Variants in SPAG11B observed in about 807,000 individuals in gnomAD.
SPAG11B encodes the protein sperm-associated antigen 11B.
In SPAG11B, 5 loss-of-function variants were observed where a neutral mutation model predicts 8.9. The observed-to-expected ratio is 0.56, with a 90% CI of 0.29 to 1.19. The LOEUF (loss-of-function observed/expected upper bound fraction) is 1.19, where lower values mean the gene tolerates loss of function less well. SPAG11B is among the 50% of genes most tolerant of loss of function. The pLI is 0.08. For missense variants in SPAG11B, 38 were observed against 146.4 expected (o/e 0.26, Z 3.82); for synonymous variants, 12 against 53.0 (o/e 0.23, Z 3.36).
chr8:7,448,475 T>TAGGACTG (rs1809940166), downstream of SPAG11B, among the ~76,000 whole-genome samples: 1 of 151,998 alleles, frequency 6.6e-6, no homozygotes, highest in Admixed American at 6.5e-5. Flanking sequence ...CAGGACATTT[T>TAGGACTG]AGGACTGAGT....
downstream of SPAG11B, among the ~76,000 whole-genome samples, chr8:7,450,306 G>C (rs1810036206): frequency 6.8e-6 from 1 of 146,698 alleles, no homozygotes; most frequent in South Asian, 2.1e-4. Context: ...GGCATAAAGG[G>C]AAAAGGGATA....
rs184701157 is a variant in SPAG11B at position 7,453,595 on chromosome 8, A to C, written c.215-2695T>G. 1.9e-3 allele frequency among the ~76,000 whole-genome samples: 278 copies of C among 150,142 alleles called. 4 individuals carry two copies. The highest frequency in any genetic ancestry group is 3.5e-3 in the Middle Eastern group (1 of 284). On this transcript the variant is annotated intron_variant, in intron 2 of 2. Coordinates refer to ENST00000398462, the MANE Select transcript of SPAG11B (RefSeq NM_058201.4). ...AGATTAGACACATCATATTTTCTTC[A>C]AGCTGTCTTCTGCGTTATTTAACCA...
downstream of SPAG11B, among the ~76,000 whole-genome samples, chr8:7,448,913 C>A (rs1443727494): frequency 1.4e-5 from 2 of 144,226 alleles, no homozygotes; most frequent in African/African-American, 5.3e-5. Flanking sequence ...GGTGGACAAA[C>A]ACTTCCTTTG....
chr8:7,450,261 C>T (rs1240178025), downstream of SPAG11B, among the ~76,000 whole-genome samples: 1 of 144,460 alleles, frequency 6.9e-6, no homozygotes, highest in East Asian at 2.0e-4. Flanking sequence ...CACTATCCTA[C>T]TGAAATGTGA....
In SPAG11B at chr8:7,451,889, A is replaced by G. The variant is rs1274721869; in HGVS notation, c.215-989T>C. ...ATTCATTGCACCATGGTAAATTAAC[A>G]CTTTCTCTGGACTTTGGTTTTCTTT... On this transcript the variant is annotated intron_variant, in intron 2 of 2. Coordinates refer to ENST00000398462, the MANE Select transcript of SPAG11B (RefSeq NM_058201.4). Among the ~76,000 whole-genome samples, 12 of 148,234 alleles carry G rather than the reference A, an allele frequency of 8.1e-5. No individual in the cohort carries two copies. The East Asian group carries it at 2.4e-3, about 30-fold the overall frequency.
downstream of SPAG11B, among the ~76,000 whole-genome samples, chr8:7,448,903 G>A (rs2740040): frequency 0.016 from 1,971 of 122,898 alleles, 22 homozygotes; most frequent in African/African-American, 0.02. Context: ...ATGCCTTACA[G>A]GTGGACAAAC....
chr8:7,447,807 G>C, downstream of SPAG11B: 1 of 374,114 alleles, frequency 2.7e-6, no homozygotes, highest in South Asian at 3.2e-5. Flanking sequence ...ATCATACTCC[G>C]GTCTCTCACA....
chr8:7,452,880 C>T (rs2128873154), intron 2 of SPAG11B, among the ~76,000 whole-genome samples: 1 of 135,340 alleles, frequency 7.4e-6, no homozygotes, highest in South Asian at 2.4e-4. Flanking sequence ...AATGTATTTC[C>T]ACACCACAAC....
At position 7,453,902 on chromosome 8, in the gene SPAG11B, C is replaced by T. The variant is rs189063448; in HGVS notation, c.215-3002G>A. 1.2e-3 allele frequency among the ~76,000 whole-genome samples: 182 copies of T among 149,088 alleles called. 1 individual carries two copies. The East Asian group carries it at 0.019, about 16-fold the overall frequency. ...TTGGGCACTCCAAGCTGCTTTTGACCCTCCACCAAAAAAAAAGAGAGAAAA... is the reference window on the plus strand; with the variant it reads ...TTGGGCACTCCAAGCTGCTTTTGACTCTCCACCAAAAAAAAAGAGAGAAAA... On this transcript the variant is annotated intron_variant, in intron 2 of 2. Transcript: ENST00000398462.
downstream of SPAG11B, among the ~76,000 whole-genome samples, chr8:7,448,890 A>G (rs1324742118): frequency 6.9e-6 from 1 of 144,332 alleles, no homozygotes; most frequent in Non-Finnish European, 1.5e-5. Flanking sequence ...CTAGTTTTTT[A>G]CCATGCCTTA....
chr8:7,454,089 A>C lies in SPAG11B; in HGVS notation c.215-3189T>G, dbSNP rs1433724468. ...GACATCTCTGAAATCTCTCAAAAAA[A>C]AAAAAAAAAAGAAAGAAAGAAAGAA... On this transcript the variant is annotated intron_variant, in intron 2 of 2. Coordinates refer to ENST00000398462, the MANE Select transcript of SPAG11B (RefSeq NM_058201.4). 2.3e-5 allele frequency among the ~76,000 whole-genome samples: 3 copies of C among 128,624 alleles called. No homozygotes were observed. In the East Asian group the frequency reaches 7.1e-4, roughly 31 times the overall value. 84.4% of individuals were successfully genotyped at this position (128,624 alleles called of 152,430 possible).
At chr8:7,448,557 CAAGA>C (rs1809944616), downstream of SPAG11B, among the ~76,000 whole-genome samples, 1 of 150,204 alleles carries the variant, frequency 6.7e-6, no homozygotes, top group Non-Finnish European at 1.5e-5. Flanking sequence ...AGGGGCGGAA[CAAGA>C]AAGTAAGCCC....
At position 7,450,832 on chromosome 8, in the gene SPAG11B, A is replaced by G; in HGVS notation, c.283T>C (p.Cys95Arg). Residue 95 changes from cysteine (C) to arginine (R), a missense_variant, in exon 3 of 3, where the codon TGC becomes CGC. Physicochemically the swap from Cys to Arg is radical, Grantham distance 180. Coordinates refer to ENST00000398462, the MANE Select transcript of SPAG11B (RefSeq NM_058201.4). ...TCACGCTTTTTCTCACCAGAATGGC[A>G]GAAAAAAAGTCTGCAGATCCCTTGC... ...MQQGICRLFFCHSGEKKRDIC... is the reference protein window; with the variant it reads ...MQQGICRLFFRHSGEKKRDIC... The G allele has an allele frequency of 6.2e-7, 1 of 1,605,774 alleles. No homozygotes were observed. The highest frequency in any genetic ancestry group is 8.5e-7 in the Non-Finnish European group (1 of 1,176,820).
intron 2 of SPAG11B, among the ~76,000 whole-genome samples, chr8:7,452,918 C>T: frequency 7.0e-6 from 1 of 142,866 alleles, no homozygotes; most frequent in South Asian, 2.2e-4. Context: ...AAGATGTGTA[C>T]AACAACGTGG....
chr8:7,448,786 C>CCCCTT (rs773065371), downstream of SPAG11B, among the ~76,000 whole-genome samples: 20 of 127,164 alleles, frequency 1.6e-4, no homozygotes, highest in South Asian at 1.3e-3. Context: ...CCCCTCTCCT[C>CCCCTT]CCCTTCCCTT....
At chr8:7,450,933 A>T in intron 2 of SPAG11B, 33 bp from the exon 3 acceptor site, 1 of 1,549,680 alleles carries the variant, frequency 6.5e-7, no homozygotes. Flanking sequence ...TTGACATTTA[A>T]CTCATATAGT....
chr8:7,448,445 AT>A (rs1411108005), downstream of SPAG11B, among the ~76,000 whole-genome samples: 1 of 152,104 alleles, frequency 6.6e-6, no homozygotes, highest in Non-Finnish European at 1.5e-5. Flanking sequence ...CGTTTTGGGG[AT>A]TCTGTCTTAG....
chr8:7,451,661 G>C (rs1224368787), intron 2 of SPAG11B, among the ~76,000 whole-genome samples: 2 of 129,608 alleles, frequency 1.5e-5, no homozygotes, highest in Admixed American at 8.3e-5. Context: ...AAGGTGGGGG[G>C]TCCACCTTTA....
chr8:7,451,938 G>A (rs1460935764), intron 2 of SPAG11B, among the ~76,000 whole-genome samples: 1 of 130,720 alleles, frequency 7.6e-6, no homozygotes, highest in Non-Finnish European at 1.6e-5. Context: ...GGCTGCTATA[G>A]ACAATCTCTG....
Sources: gnomAD v4.1 joint callset for allele counts (sites outside exome capture counted in the v4.1 genomes callset) on GRCh38, gnomAD v4.1.1 for gene constraint, MANE v1.5 for transcripts, NCBI Gene and HGNC (gene_info 2026-07-23, HGNC 2026-07-21) for gene names.